LCT: variants seen among roughly 807,000 people sequenced by gnomAD.
LCT encodes the protein lactase/phlorizin hydrolase.
Under a neutral mutation model 173.0 loss-of-function variants are expected in LCT, and 90 were observed. The observed-to-expected ratio is 0.52, with a 90% CI of 0.44 to 0.62. LCT has a LOEUF of 0.62. LCT is among the 20% of genes least tolerant of loss of function. The pLI is 0.00. For missense variants in LCT, 1,864 were observed against 2,431.4 expected, an observed-to-expected ratio of 0.77 and a Z score of 4.91; for synonymous variants, 853 against 957.6, an observed-to-expected ratio of 0.89 and a Z score of 2.02.
intron 11 of LCT, 33 bp from the exon 12 acceptor site, chr2:135,800,842 T>A: frequency 6.6e-7 from 1 of 1,504,988 alleles, no homozygotes; most frequent in Non-Finnish European, 9.2e-7. Flanking sequence ...CAACAGAGAA[T>A]GGATAGAATG....
At position 135,790,617 on chromosome 2, in the gene LCT, C is replaced by A; in HGVS notation, c.5335+41G>T. The A allele has an allele frequency of 7.6e-7, 1 of 1,309,176 alleles. No homozygotes were observed. 81.1% of individuals were successfully genotyped at this position (1,309,176 alleles called of 1,614,324 possible). Reference sequence around the variant, plus strand: ...TCCTGCAAATAGCAGATGTTTCCAACAGGGGAAGGTGCACGCTGGGGAAGG... The same window carrying A: ...TCCTGCAAATAGCAGATGTTTCCAAAAGGGGAAGGTGCACGCTGGGGAAGG... On this transcript the variant is annotated intron_variant, in intron 15 of 16. Transcript: ENST00000264162. This position sits in a 1 kb window ranked among gnomAD's most constrained non-coding sequence, Gnocchi z 4.1.
rs543976747 is a variant in LCT, at chr2:135,821,275, C to T, written c.986+745G>A. 3.3e-5 allele frequency among the ~76,000 whole-genome samples: 5 copies of T among 152,308 alleles called. No homozygotes were observed. The South Asian group carries it at 1.0e-3, about 32-fold the overall frequency. ...TTACAACCCCACCATAGATTCAAAC[C>T]TCTGTCCCTAGAATGTTGTCAAGTT... On this transcript the variant is annotated intron_variant, in intron 5 of 16. Transcript: ENST00000264162.
At chr2:135,817,129 C>T in intron 6 of LCT, among the ~76,000 whole-genome samples, 1 of 152,102 alleles carries the variant, frequency 6.6e-6, no homozygotes. Context: ...CCTTGGCCTC[C>T]CACAGTGAAG....
chr2:135,823,757 A>T (rs2077857713), intron 4 of LCT, 144 bp downstream of exon 4: 1 of 711,072 alleles, frequency 1.4e-6, no homozygotes, highest in Non-Finnish European at 2.6e-6. Flanking sequence ...GGCATAGTAC[A>T]CTAACCCAGT....
In LCT at chr2:135,809,706, T is replaced by C; in HGVS notation, c.2641A>G (p.Lys881Glu). ...CTGGAGAACTTTTCCCAAACGACTT[T>C]AGCCTTGGAGGGCACCTCAGATGGA... ...TFPSEVPSKA[K>E]VVWEKFSSQP... Residue 881 changes from lysine to glutamate, a missense_variant, in exon 8 of 17, where the codon AAA becomes GAA. By Grantham distance (56) the Lys-to-Glu change is moderately conservative. Coordinates refer to ENST00000264162, the MANE Select transcript of LCT (RefSeq NM_002299.4). This position sits in a 1 kb window ranked among gnomAD's most constrained non-coding sequence, Gnocchi z 5.5. 4 of 1,614,254 alleles carry C rather than the reference T, an allele frequency of 2.5e-6. No homozygotes were observed. Among genetic ancestry groups the C allele is most frequent in the South Asian group, 1.1e-5 (1 of 91,090 alleles).
intron 13 of LCT, among the ~76,000 whole-genome samples, chr2:135,795,714 C>T (rs778737139): frequency 1.3e-5 from 2 of 151,590 alleles, no homozygotes; most frequent in African/African-American, 4.8e-5. Context: ...TCAGTTCTCA[C>T]GATTTCACTG....
At chr2:135,810,281 G>A in intron 7 of LCT, 1 of 329,710 alleles carries the variant, frequency 3.0e-6, no homozygotes, top group Non-Finnish European at 5.5e-6. Context: ...GGACCAGCGA[G>A]GACTGTTTTT....
chr2:135,836,263 C>CCCA (rs1679375066), intron 1 of LCT, among the ~76,000 whole-genome samples: 1 of 152,006 alleles, frequency 6.6e-6, no homozygotes, highest in Admixed American at 6.6e-5. Context: ...AAGTGATCCG[C>CCCA]CCACCTCGGC....
At chr2:135,817,199 A>T in intron 6 of LCT, 142 bp downstream of exon 6, 1 of 1,004,724 alleles carries the variant, frequency 1.0e-6, no homozygotes, top group Non-Finnish European at 1.5e-6. Flanking sequence ...TTAACAATTT[A>T]TGGTTCCTTC....
chr2:135,827,754 G>A (rs1036212864), intron 3 of LCT, among the ~76,000 whole-genome samples: 8 of 152,184 alleles, frequency 5.3e-5, no homozygotes, highest in African/African-American at 9.7e-5. Context: ...ATGCTTGCTC[G>A]CCTGCCACTC....
chr2:135,824,992 C>CAAAAAAAAAAAA (rs5834449), intron 3 of LCT, among the ~76,000 whole-genome samples: 1 of 110,178 alleles, frequency 9.1e-6, no homozygotes, highest in African/African-American at 3.4e-5. Context: ...GGCTCCATCT[C>CAAAAAAAAAAAA]AAAAAAAAAA....
chr2:135,833,636 C>T (rs80080251), intron 1 of LCT, among the ~76,000 whole-genome samples: 1 of 149,604 alleles, frequency 6.7e-6, no homozygotes, highest in Non-Finnish European at 1.5e-5. Context: ...TTGGTAGAGA[C>T]GGAGTTGCAC....
intron 3 of LCT, among the ~76,000 whole-genome samples, chr2:135,825,846 C>A (rs537221613): frequency 2.0e-5 from 3 of 152,210 alleles, no homozygotes; most frequent in Admixed American, 2.0e-4. Context: ...CAGGAAGAGG[C>A]CCCTTCAAGG....
chr2:135,805,517 C>G (rs564388196), intron 9 of LCT, among the ~76,000 whole-genome samples: 6 of 152,278 alleles, frequency 3.9e-5, no homozygotes, highest in African/African-American at 1.4e-4. Context: ...ATAAAACCAT[C>G]CTATTTTCTG....
rs1190051093 is a variant in LCT at position 135,794,712 on chromosome 2, G to T, written c.5040C>A (p.Phe1680Leu). The change falls in exon 14 of 17, where the codon TTC becomes TTA. Residue 1680 changes from phenylalanine to leucine, a missense_variant. Physicochemically the swap from Phe to Leu is conservative, Grantham distance 22. This residue lies in a region of LCT where 514 missense variants were observed against 750.1 expected (regional missense o/e 0.69). Coordinates refer to ENST00000264162, the MANE Select transcript of LCT (RefSeq NM_002299.4). ...AGGCGAGGACAGTGGTGTAGTGATT[G>T]AACCCAAAAAAGTCATAGGTGCCGT... ...RINGTYDFFG[F>L]NHYTTVLAYN... is the part of the protein sequence containing the mutation. 1.2e-6 allele frequency: 2 copies of T among 1,613,966 alleles called. No individual in the cohort carries two copies. The highest frequency in any genetic ancestry group is 1.7e-6 in the Non-Finnish European group (2 of 1,179,956).
intron 14 of LCT, 64 bp downstream of exon 14, chr2:135,794,577 A>G: frequency 6.4e-7 from 1 of 1,570,150 alleles, no homozygotes; most frequent in South Asian, 1.1e-5. Context: ...CTCAGAGAGC[A>G]CAGCCAAGGG....
chr2:135,801,611 A>G (rs1284802534), intron 11 of LCT, among the ~76,000 whole-genome samples: 1 of 151,112 alleles, frequency 6.6e-6, no homozygotes, highest in Non-Finnish European at 1.5e-5. Context: ...GCTACTCAGG[A>G]GGCTGAGGCA....
rs766066750 is a variant in LCT at position 135,837,009 on chromosome 2, A to G, written c.161T>C (p.Phe54Ser). Reference protein sequence around the residue: ...SGLLGDQSSNFVAGDKDMYVC... With the variant: ...SGLLGDQSSNSVAGDKDMYVC... ...ATACATGTCTTTGTCCCCTGCTACA[A>G]AGTTAGAACTCTGGTCTCCCAGGAG... The change falls in exon 1 of 17, where the codon TTT (phenylalanine) becomes TCT (serine). Residue 54 changes from phenylalanine to serine, a missense_variant. Phe to Ser is a radical substitution (Grantham distance 155). Around this residue, in one of 4 missense-constraint regions of LCT, gnomAD observed 412 missense variants for 462.0 expected, o/e 0.89. Transcript: ENST00000264162. 2 of 1,614,138 alleles carry G rather than the reference A, an allele frequency of 1.2e-6. No homozygotes were observed. Among genetic ancestry groups the G allele is most frequent in the South Asian group, 1.1e-5 (1 of 91,074 alleles).
rs910671871 is a variant in LCT at position 135,790,503 on chromosome 2, G to C, written c.5335+155C>G. ...GACATAGGAAGGAAAAAAACTCAGA[G>C]TGCGGCCCTAAAGCAAAGCTTAACC... On this transcript the variant is annotated intron_variant, in intron 15 of 16. Transcript: ENST00000264162. This position sits in a 1 kb window ranked among gnomAD's most constrained non-coding sequence, Gnocchi z 4.1. Among the ~76,000 whole-genome samples, 1 of 152,220 alleles carries C rather than the reference G, an allele frequency of 6.6e-6. No homozygotes were observed. The highest frequency in any genetic ancestry group is 1.5e-5 in the Non-Finnish European group (1 of 68,048).
Sources: gnomAD v4.1 joint callset for allele counts (sites outside exome capture counted in the v4.1 genomes callset) on GRCh38, gnomAD v4.1.1 for gene constraint, gnomAD v4.1.1 regional missense constraint, Gnocchi (gnomAD v3.1) non-coding constraint, MANE v1.5 for transcripts, NCBI Gene and HGNC (gene_info 2026-07-23, HGNC 2026-07-21) for gene names.